Variants in ASAP2 observed in about 807,000 individuals in gnomAD.
ASAP2 encodes ArfGAP with SH3 domain, ankyrin repeat and PH domain 2.
A neutral mutation model predicts 131.4 loss-of-function variants in ASAP2; 45 were observed. The observed-to-expected ratio is 0.34, with a 90% confidence interval of 0.27 to 0.44. ASAP2 has a LOEUF of 0.44. ASAP2 is among the 20% of genes least tolerant of loss of function. The pLI is 1.00. For missense variants in ASAP2, 1,011 were observed against 1,297.0 expected (o/e 0.78, Z 3.39); for synonymous variants, 510 against 503.0 (o/e 1.01, Z -0.19).
At chr2:9,380,228 C>T (rs1353220524) in intron 19 of ASAP2, among the ~76,000 whole-genome samples, 7 of 151,992 alleles carry the variant, frequency 4.6e-5, no homozygotes, top group Non-Finnish European at 8.8e-5. Context: ...GGCAGAGTCT[C>T]GCTCTGTCAC....
In ASAP2 at chr2:9,368,407, A is replaced by G. The variant is rs955601494; in HGVS notation, c.1462-18A>G. 2.5e-6 allele frequency: 4 copies of G among 1,607,052 alleles called. No homozygotes were observed. The highest frequency in any genetic ancestry group is 3.4e-6 in the Non-Finnish European group (4 of 1,173,548). On this transcript the variant is annotated intron_variant, in intron 15 of 27. Coordinates refer to ENST00000281419, the MANE Select transcript of ASAP2 (RefSeq NM_003887.3). ...TATTAATAATTGAGTATCCTGAAAT[A>G]GACTTTCATTTTTGCAGCTCGCCAA...
intron 11 of ASAP2, among the ~76,000 whole-genome samples, chr2:9,349,788 G>A (rs1011417839): frequency 2.6e-5 from 4 of 152,200 alleles, no homozygotes; most frequent in Admixed American, 2.6e-4. Flanking sequence ...TAGACTTACT[G>A]GAAGGAAGCT....
At chr2:9,301,010 G>A (rs534212363) in intron 3 of ASAP2, among the ~76,000 whole-genome samples, 2 of 152,364 alleles carry the variant, frequency 1.3e-5, no homozygotes, top group African/African-American at 2.4e-5. Context: ...GCCCAGTGGC[G>A]GCTCCTGCAA....
chr2:9,316,930 C>G (rs1358277456), intron 3 of ASAP2, among the ~76,000 whole-genome samples: 15 of 130,360 alleles, frequency 1.2e-4, no homozygotes, highest in Admixed American at 3.8e-4. Flanking sequence ...CACCCCCTCA[C>G]AATCACACCC....
At chr2:9,290,423 T>C (rs924926298) in intron 2 of ASAP2, among the ~76,000 whole-genome samples, 3 of 152,094 alleles carry the variant, frequency 2.0e-5, no homozygotes, top group African/African-American at 7.2e-5. Flanking sequence ...TTGGCCAGGC[T>C]GGTCTTGAAC....
Position 9,403,523 on chromosome 2 carries a change from A to T in ASAP2, c.*196A>T, listed in dbSNP as rs1558409835. The T allele has an allele frequency of 1.8e-6, 1 of 541,466 alleles. No homozygotes were observed. Among genetic ancestry groups the T allele is most frequent in the Non-Finnish European group, 3.2e-6 (1 of 309,660 alleles). The allele number at this position is 541,466 out of a possible 1,614,324, so 33.5% of individuals were successfully genotyped here. The stretch of plus-strand genomic sequence containing the variant: ...TTATAATTTGTGGTTTTCATGAAAC[A>T]TTGCTATGCATTTATTAGGAAAAAC... On this transcript the variant is annotated 3_prime_UTR_variant, in exon 28 of 28. Coordinates refer to ENST00000281419, the MANE Select transcript of ASAP2 (RefSeq NM_003887.3).
At chr2:9,348,457 G>A (rs1672117343) in intron 11 of ASAP2, among the ~76,000 whole-genome samples, 1 of 152,198 alleles carries the variant, frequency 6.6e-6, no homozygotes, top group African/African-American at 2.4e-5. Flanking sequence ...CAACAGGGAA[G>A]GATTTTAATG....
At chr2:9,288,938 C>A (rs920517680) in intron 2 of ASAP2, among the ~76,000 whole-genome samples, 8 of 152,270 alleles carry the variant, frequency 5.3e-5, no homozygotes, top group African/African-American at 1.7e-4. Context: ...ACTACATTTT[C>A]AATGAGGAAA....
At chr2:9,317,330 T>C (rs1052394096) in intron 3 of ASAP2, among the ~76,000 whole-genome samples, 8 of 7,134 alleles carry the variant, frequency 1.1e-3, no homozygotes, top group Non-Finnish European at 1.7e-3. Context: ...CACAATCATA[T>C]CTTCACTCAC....
At chr2:9,280,747 A>C (rs1188934447) in intron 2 of ASAP2, among the ~76,000 whole-genome samples, 1 of 152,234 alleles carries the variant, frequency 6.6e-6, no homozygotes, top group East Asian at 1.9e-4. Context: ...GAAGGTGGCC[A>C]TCCGTCTCTA....
chr2:9,394,229 A>G (rs1342283347), intron 24 of ASAP2, among the ~76,000 whole-genome samples: 4 of 126,480 alleles, frequency 3.2e-5, no homozygotes, highest in Admixed American at 1.0e-4. Flanking sequence ...CAGTGGCGTG[A>G]TCTCGGCTCA....
At chr2:9,262,370 G>A (rs534181348) in intron 1 of ASAP2, among the ~76,000 whole-genome samples, 6 of 152,268 alleles carry the variant, frequency 3.9e-5, no homozygotes, top group East Asian at 1.9e-4. Context: ...TAGCCTCTCC[G>A]AGAACTGGAG....
In ASAP2 at chr2:9,374,917, G is replaced by A. The variant is rs139367850; in HGVS notation, c.1719G>A (p.Thr573=). Residue 573 remains threonine (T), a synonymous_variant, in exon 17 of 28, where the codon ACG becomes ACA. Coordinates refer to ENST00000281419, the MANE Select transcript of ASAP2 (RefSeq NM_003887.3). Reference sequence around the variant, plus strand: ...CTTATGCTGATGGTGTGGATCTTACGGAAAAAATCCCACTGGCCAACGGAC... The same window carrying A: ...CTTATGCTGATGGTGTGGATCTTACAGAAAAAATCCCACTGGCCAACGGAC... ...LQAYADGVDL[T]EKIPLANGHE... 8.6e-5 allele frequency: 138 copies of A among 1,607,504 alleles called. No homozygotes were observed. Among genetic ancestry groups the A allele is most frequent in the Non-Finnish European group, 1.1e-4 (135 of 1,177,838 alleles).
At chr2:9,380,352 C>T (rs1674739836) in intron 19 of ASAP2, among the ~76,000 whole-genome samples, 1 of 152,126 alleles carries the variant, frequency 6.6e-6, no homozygotes, top group African/African-American at 2.4e-5. Context: ...CATGTGCCAC[C>T]ACGCCTGGCT....
chr2:9,266,872 A>G (rs1018865458), intron 1 of ASAP2, among the ~76,000 whole-genome samples: 7 of 152,198 alleles, frequency 4.6e-5, no homozygotes, highest in Non-Finnish European at 7.3e-5. Context: ...GCCGACCTGC[A>G]TTCAGTTTCC....
intron 1 of ASAP2, among the ~76,000 whole-genome samples, chr2:9,229,250 G>A (rs1050937186): frequency 1.3e-5 from 2 of 152,154 alleles, no homozygotes; most frequent in Non-Finnish European, 2.9e-5. Context: ...GCAGGTGGCC[G>A]GTGCTGCTTC....
chr2:9,237,766 T>C (rs181992206), intron 1 of ASAP2, among the ~76,000 whole-genome samples: 3 of 152,240 alleles, frequency 2.0e-5, no homozygotes, highest in Non-Finnish European at 4.4e-5. Flanking sequence ...GACTGAGTCT[T>C]TTCTTGCTCA....
chr2:9,385,495 A>G, intron 21 of ASAP2, 137 bp downstream of exon 21: 1 of 695,184 alleles, frequency 1.4e-6, no homozygotes, highest in Non-Finnish European at 2.5e-6. Context: ...CATTGATCTC[A>G]GTAGGCTCTT....
intron 7 of ASAP2, among the ~76,000 whole-genome samples, chr2:9,330,077 C>T (rs1670731495): frequency 6.6e-6 from 1 of 152,200 alleles, no homozygotes; most frequent in Admixed American, 6.5e-5. Context: ...CACGTATTTG[C>T]AGCAGTGAAT....
Sources: gnomAD v4.1 joint callset for allele counts (sites outside exome capture counted in the v4.1 genomes callset) on GRCh38, gnomAD v4.1.1 for gene constraint, MANE v1.5 for transcripts, NCBI Gene and HGNC (gene_info 2026-07-23, HGNC 2026-07-21) for gene names.